TECR: variants seen among roughly 807,000 people sequenced by gnomAD.
TECR encodes the protein trans-2,3-enoyl-CoA reductase.
TECR carries 19 observed loss-of-function variants against 50.6 expected under a neutral mutation model. That is an observed-to-expected ratio of 0.38 (90% CI 0.26 to 0.55). The LOEUF (loss-of-function observed/expected upper bound fraction) is 0.55, where lower values mean the gene tolerates loss of function less well. TECR is among the 20% of genes least tolerant of loss of function. The probability of loss-of-function intolerance (pLI) is 0.79; values close to 1 mark genes in which losing one functional copy is unlikely to be tolerated. For synonymous variants in TECR, 168 were observed against 163.5 expected (o/e 1.03, Z -0.21); for missense variants, 313 against 408.3 (o/e 0.77, Z 2.01).
chr19:14,545,241 A>T (rs1421430342), intron 1 of TECR: 2 of 456,286 alleles, frequency 4.4e-6, no homozygotes, highest in Non-Finnish European at 8.8e-6. Context: ...GCTCCCCCTA[A>T]AATTTACTCT....
Position 14,555,228 on chromosome 19 carries a change from G to A in TECR, c.16-7297G>A, listed in dbSNP as rs181324548. On this transcript the variant is annotated intron_variant, in intron 1 of 12. Transcript: ENST00000215567. ...GAGGAGTAGGTAGGACCATAGGTGC[G>A]AGTCACCACACCCAGCTAATTTTTT... 1.2e-3 allele frequency among the ~76,000 whole-genome samples: 186 copies of A among 151,594 alleles called. 2 individuals are homozygous for A. In the East Asian group the frequency reaches 0.014, roughly 12 times the overall value.
chr19:14,541,428 G>T (rs934284262), intron 1 of TECR, among the ~76,000 whole-genome samples: 1 of 152,264 alleles, frequency 6.6e-6, no homozygotes, highest in Non-Finnish European at 1.5e-5. Flanking sequence ...CGCACAGGTT[G>T]TGGGCAGGTC....
Position 14,563,557 on chromosome 19 carries a change from C to CT in TECR, c.119-99dup. On this transcript the variant is annotated intron_variant, in intron 3 of 12. Transcript: ENST00000215567. The surrounding 1 kb of genome is among the most constrained non-coding windows in gnomAD (Gnocchi z 5.3). ...GGAGGAGCTGTGGAGTCCTGGGGTC[C>CT]TTGCACCCTGGGAACCCTGAGAAGC... is the stretch of plus-strand genomic sequence containing the variant. The CT allele has an allele frequency of 6.5e-7, 1 of 1,527,506 alleles. No homozygotes were observed. The highest frequency in any genetic ancestry group is 9.0e-7 in the Non-Finnish European group (1 of 1,111,822). The allele number at this position is 1,527,506 out of a possible 1,614,324, so 94.6% of individuals were successfully genotyped here. A position where few individuals can be genotyped will look rare whatever the true frequency, so the allele number is the denominator to read the frequency against.
chr19:14,559,488 T>C (rs1206163488), intron 1 of TECR, among the ~76,000 whole-genome samples: 1 of 152,138 alleles, frequency 6.6e-6, no homozygotes, highest in Non-Finnish European at 1.5e-5. Context: ...TTAACTTTCT[T>C]ACTTAGAAAT....
intron 1 of TECR, among the ~76,000 whole-genome samples, chr19:14,535,296 A>G (rs1242639885): frequency 6.6e-6 from 1 of 151,454 alleles, no homozygotes; most frequent in African/African-American, 2.4e-5. Flanking sequence ...TCACGAGGCC[A>G]GGAGATCGAG....
chr19:14,544,498 G>A (rs1277298973), intron 1 of TECR, among the ~76,000 whole-genome samples: 2 of 151,908 alleles, frequency 1.3e-5, no homozygotes, highest in African/African-American at 2.4e-5. Flanking sequence ...CGGGGTGTGC[G>A]GCCATTCTAT....
intron 1 of TECR, among the ~76,000 whole-genome samples, chr19:14,536,913 C>T (rs532990236): frequency 3.4e-5 from 5 of 147,360 alleles, no homozygotes; most frequent in African/African-American, 1.0e-4. Context: ...ACAAGTAGTA[C>T]GGCCCTACTC....
intron 1 of TECR, chr19:14,530,565 A>G (rs998851355): frequency 1.3e-5 from 2 of 152,206 alleles, no homozygotes; most frequent in East Asian, 3.8e-4. Context: ...TATAAGAACT[A>G]TTATTATTCC....
At chr19:14,529,956 G>T in intron 1 of TECR, 1 of 589,280 alleles carries the variant, frequency 1.7e-6, no homozygotes, top group Non-Finnish European at 3.0e-6. Flanking sequence ...GTCTCTGCAG[G>T]GGCTGGGACG....
chr19:14,558,776 G>A (rs977729776), intron 1 of TECR, among the ~76,000 whole-genome samples: 4 of 151,964 alleles, frequency 2.6e-5, no homozygotes, highest in Admixed American at 6.6e-5. Context: ...CAGCCCCTCC[G>A]AGTGGCTCCG....
chr19:14,536,653 C>T (rs1239164073), intron 1 of TECR: 1 of 152,196 alleles, frequency 6.6e-6, no homozygotes, highest in Non-Finnish European at 1.5e-5. Flanking sequence ...ATCTTCCCAA[C>T]TCTGTGTTCA....
At chr19:14,533,500 A>G (rs1301347600) in intron 1 of TECR, among the ~76,000 whole-genome samples, 2 of 152,162 alleles carry the variant, frequency 1.3e-5, no homozygotes, top group Non-Finnish European at 2.9e-5. Flanking sequence ...TGTCCACTGA[A>G]AGGTTGGCCC....
Position 14,545,053 on chromosome 19 carries a change from TA to T in TECR, c.15+15344del, listed in dbSNP as rs753143561. 86 of 455,922 alleles carry T rather than the reference TA, an allele frequency of 1.9e-4. 1 individual carries two copies. The highest frequency in any genetic ancestry group is 3.2e-4 in the Middle Eastern group (1 of 3,098). 28.2% of individuals were successfully genotyped at this position (455,922 alleles called of 1,614,324 possible). A position where few individuals can be genotyped will look rare whatever the true frequency, so the allele number is the denominator to read the frequency against. Reference sequence around the variant, plus strand: ...CTGAGTCTCTGCCCTGAGTTGTTTCTAAGCCTCTCACCACTGTCTCTGAAGC... The same window carrying T: ...CTGAGTCTCTGCCCTGAGTTGTTTCTAGCCTCTCACCACTGTCTCTGAAGC... On this transcript the variant is annotated intron_variant, in intron 1 of 12. Coordinates refer to ENST00000215567, the MANE Select transcript of TECR (RefSeq NM_138501.6).
rs757576938 is a variant in TECR at position 14,565,679 on chromosome 19, T to G, written c.799+16T>G. ...TGTCTCCCAGGTGAGCCTGCCGCCCTCCCTCGGCGGGGCCCTGCCCCTCCG... is the reference window on the plus strand; with the variant it reads ...TGTCTCCCAGGTGAGCCTGCCGCCCGCCCTCGGCGGGGCCCTGCCCCTCCG... On this transcript the variant is annotated intron_variant, in intron 12 of 12. Coordinates refer to ENST00000215567, the MANE Select transcript of TECR (RefSeq NM_138501.6). 2.3e-5 allele frequency: 37 copies of G among 1,611,960 alleles called. No homozygotes were observed. Among genetic ancestry groups the G allele is most frequent in the Non-Finnish European group, 3.1e-5 (36 of 1,179,664 alleles).
intron 1 of TECR, among the ~76,000 whole-genome samples, chr19:14,542,486 T>G (rs1285417875): frequency 6.7e-6 from 1 of 149,890 alleles, no homozygotes; most frequent in African/African-American, 2.4e-5. Context: ...CTCAGCCTCC[T>G]GAGTAGCTGG....
upstream of TECR, chr19:14,529,550 C>A: frequency 1.6e-6 from 2 of 1,246,882 alleles, no homozygotes; most frequent in Non-Finnish European, 2.3e-6. Context: ...GATTGGCCGA[C>A]GGGGCGCGCG....
chr19:14,543,524 C>T (rs369671536), intron 1 of TECR, among the ~76,000 whole-genome samples: 6 of 132,532 alleles, frequency 4.5e-5, no homozygotes, highest in East Asian at 4.6e-4. Context: ...CTGCAAGCTC[C>T]GTCTCCCGGG....
At position 14,563,105 on chromosome 19, in the gene TECR, G is replaced by A; in HGVS notation, c.67-101G>A. On this transcript the variant is annotated intron_variant, in intron 2 of 12. Transcript: ENST00000215567. This position sits in a 1 kb window ranked among gnomAD's most constrained non-coding sequence, Gnocchi z 5.3. Reference sequence around the variant, plus strand: ...ACCCCAGCCCTTCCCCCTTCCCATAGCTACAGCCCAACCCCCAGCCTGCCA... The same window carrying A: ...ACCCCAGCCCTTCCCCCTTCCCATAACTACAGCCCAACCCCCAGCCTGCCA... 1 of 1,487,266 alleles carries A rather than the reference G, an allele frequency of 6.7e-7. No individual in the cohort carries two copies. Among genetic ancestry groups the A allele is most frequent in the Non-Finnish European group, 9.3e-7 (1 of 1,077,324 alleles). The allele number at this position is 1,487,266 out of a possible 1,614,324, so 92.1% of individuals were successfully genotyped here.
At chr19:14,532,926 A>G (rs1433161762) in intron 1 of TECR, among the ~76,000 whole-genome samples, 8 of 151,996 alleles carry the variant, frequency 5.3e-5, no homozygotes, top group Non-Finnish European at 1.0e-4. Flanking sequence ...CCTGGTCAAC[A>G]TGGTGAAACC....
Sources: gnomAD v4.1 joint callset for allele counts (sites outside exome capture counted in the v4.1 genomes callset) on GRCh38, gnomAD v4.1.1 for gene constraint, Gnocchi (gnomAD v3.1) non-coding constraint, MANE v1.5 for transcripts, NCBI Gene and HGNC (gene_info 2026-07-23, HGNC 2026-07-21) for gene names.